The following NMNAT2 variants were observed in gnomAD, a reference collection of about 807,000 sequenced individuals.
NMNAT2 encodes nicotinamide/nicotinic acid mononucleotide adenylyltransferase 2.
Under a neutral mutation model 41.6 loss-of-function variants are expected in NMNAT2, and 11 were observed. The ratio of observed to expected loss-of-function variants is 0.26; its 90% CI spans 0.17 to 0.44. The LOEUF (loss-of-function observed/expected upper bound fraction) is 0.44. NMNAT2 is among the 20% of genes least tolerant of loss of function. The pLI, the probability that NMNAT2 is intolerant of heterozygous loss-of-function variation, is 1.00. For synonymous variants in NMNAT2, 148 were observed against 151.2 expected, an observed-to-expected ratio of 0.98 and a Z score of 0.16; for missense variants, 288 against 407.7, an observed-to-expected ratio of 0.71 and a Z score of 2.53.
rs1486798843 is a variant in NMNAT2, at chr1:183,298,873, T to C, written c.86-5080A>G. 2.6e-5 allele frequency among the ~76,000 whole-genome samples: 4 copies of C among 152,336 alleles called. No individual in the cohort carries two copies. In the East Asian group the frequency reaches 7.7e-4, roughly 29 times the overall value. On this transcript the variant is annotated intron_variant, in intron 1 of 10. Transcript: ENST00000287713. The stretch of plus-strand genomic sequence containing the variant: ...AATGATATGAAATTTAATGTATTTC[T>C]TGTCAAAATCACAACAAGATTTGTT...
intron 8 of NMNAT2, among the ~76,000 whole-genome samples, chr1:183,263,054 G>A (rs1468040733): frequency 6.6e-6 from 1 of 152,202 alleles, no homozygotes; most frequent in Non-Finnish European, 1.5e-5. Context: ...TTTTGTGTGT[G>A]TGTTTGTGTG....
At chr1:183,274,039 A>C (rs566801053) in intron 8 of NMNAT2, among the ~76,000 whole-genome samples, 52 of 151,874 alleles carry the variant, frequency 3.4e-4, no homozygotes, top group South Asian at 8.3e-4. Flanking sequence ...CAGCCACCGG[A>C]GTAGCTGGGA....
At chr1:183,314,564 C>G (rs188618362) in intron 1 of NMNAT2, among the ~76,000 whole-genome samples, 1 of 152,354 alleles carries the variant, frequency 6.6e-6, no homozygotes, top group African/African-American at 2.4e-5. Context: ...GAAGGCATAA[C>G]CAGGTCAGGG....
chr1:183,272,587 C>T (rs1661013170), intron 8 of NMNAT2, among the ~76,000 whole-genome samples: 1 of 152,146 alleles, frequency 6.6e-6, no homozygotes, highest in Non-Finnish European at 1.5e-5. Context: ...GGGATGGGGT[C>T]ATCCCATTAG....
intron 1 of NMNAT2, among the ~76,000 whole-genome samples, chr1:183,300,083 C>T (rs115650090): frequency 0.023 from 3,458 of 152,202 alleles, 84 homozygotes; most frequent in South Asian, 0.082. Flanking sequence ...AGCCCATTTG[C>T]CCTTCCTCCT....
intron 1 of NMNAT2, among the ~76,000 whole-genome samples, chr1:183,405,686 G>GT (rs916437054): frequency 2.5e-4 from 38 of 152,074 alleles, no homozygotes; most frequent in East Asian, 7.7e-4. Flanking sequence ...TATTTTTATT[G>GT]TTTTTTTTGT....
At chr1:183,359,734 A>T (rs1157067789) in intron 1 of NMNAT2, among the ~76,000 whole-genome samples, 1 of 152,042 alleles carries the variant, frequency 6.6e-6, no homozygotes, top group Admixed American at 6.6e-5. Context: ...TGGGAGAGGG[A>T]AAATGGAGAC....
At chr1:183,413,518 T>C (rs1235710317) in intron 1 of NMNAT2, among the ~76,000 whole-genome samples, 1 of 152,174 alleles carries the variant, frequency 6.6e-6, no homozygotes, top group Middle Eastern at 3.4e-3. Context: ...TTATAGTAGA[T>C]CTTGTGCCAT....
At chr1:183,263,740 G>A (rs1315073296) in intron 8 of NMNAT2, among the ~76,000 whole-genome samples, 1 of 152,212 alleles carries the variant, frequency 6.6e-6, no homozygotes, top group Non-Finnish European at 1.5e-5. Flanking sequence ...CCTGAGGGGC[G>A]GAGCTTGCAG....
rs2101936307 is a variant in NMNAT2, at chr1:183,418,350, C to T, written c.-83G>A. On this transcript the variant is annotated 5_prime_UTR_variant, in exon 1 of 11. Transcript: ENST00000287713. Reference sequence around the variant, plus strand: ...GTGTCTGCAGAGGGAGAAAGGAAGGCGAGGCTCCGGCGGTGGATGCTGTGG... The same window carrying T: ...GTGTCTGCAGAGGGAGAAAGGAAGGTGAGGCTCCGGCGGTGGATGCTGTGG... 1 of 1,370,916 alleles carries T rather than the reference C, an allele frequency of 7.3e-7. No individual in the cohort carries two copies. Among genetic ancestry groups the T allele is most frequent in the Non-Finnish European group, 1.0e-6 (1 of 963,066 alleles). 84.9% of individuals were successfully genotyped at this position (1,370,916 alleles called of 1,614,324 possible). A position where few individuals can be genotyped will look rare whatever the true frequency, so the allele number is the denominator to read the frequency against.
chr1:183,330,215 T>C (rs1209567544), intron 1 of NMNAT2, among the ~76,000 whole-genome samples: 1 of 152,226 alleles, frequency 6.6e-6, no homozygotes, highest in African/African-American at 2.4e-5. Flanking sequence ...CATAGGATTG[T>C]TATAAACATT....
At chr1:183,321,993 T>A (rs900873336) in intron 1 of NMNAT2, among the ~76,000 whole-genome samples, 3 of 145,344 alleles carry the variant, frequency 2.1e-5, no homozygotes, top group East Asian at 2.0e-4. Context: ...TAATTTAAAA[T>A]TTTTTTTTTT....
chr1:183,286,134 A>G (rs892336428), intron 5 of NMNAT2, among the ~76,000 whole-genome samples: 1 of 152,204 alleles, frequency 6.6e-6, no homozygotes, highest in African/African-American at 2.4e-5. Context: ...ACAGTGGCAC[A>G]GTCCCCCAGT....
chr1:183,259,106 C>T (rs140426621), intron 10 of NMNAT2, among the ~76,000 whole-genome samples: 1 of 152,296 alleles, frequency 6.6e-6, no homozygotes, highest in East Asian at 1.9e-4. Context: ...CTAAGTGCCT[C>T]CTCACATAGT....
intron 5 of NMNAT2, 37 bp from the exon 6 acceptor site, chr1:183,284,827 G>A (rs1159144415): frequency 4.5e-6 from 7 of 1,560,548 alleles, no homozygotes; most frequent in South Asian, 1.1e-5. Flanking sequence ...GACAGAGTGG[G>A]AGAGAACAAC....
chr1:183,407,125 C>A (rs1648978774), intron 1 of NMNAT2, among the ~76,000 whole-genome samples: 1 of 152,116 alleles, frequency 6.6e-6, no homozygotes, highest in Non-Finnish European at 1.5e-5. Context: ...CCTGATCTGC[C>A]ATTCTTAAAC....
intron 8 of NMNAT2, among the ~76,000 whole-genome samples, chr1:183,272,883 C>A (rs1197922863): frequency 6.6e-6 from 1 of 152,212 alleles, no homozygotes; most frequent in Non-Finnish European, 1.5e-5. Flanking sequence ...GGGCCGGGGC[C>A]TAGGACATTT....
intron 1 of NMNAT2, among the ~76,000 whole-genome samples, chr1:183,344,977 G>C (rs191775830): frequency 1.8e-4 from 27 of 152,260 alleles, no homozygotes; most frequent in South Asian, 1.5e-3. Flanking sequence ...GCCACAGCGG[G>C]GAGAAGGATT....
At chr1:183,315,752 G>A (rs184043797) in intron 1 of NMNAT2, among the ~76,000 whole-genome samples, 72 of 145,548 alleles carry the variant, frequency 4.9e-4, no homozygotes, top group Middle Eastern at 3.6e-3. Context: ...CTGCACTCCA[G>A]CCTGGGCAAC....
Sources: allele counts gnomAD v4.1 joint callset (sites outside exome capture counted in the v4.1 genomes callset), GRCh38; gene constraint gnomAD v4.1.1; transcripts MANE v1.5; gene names NCBI Gene and HGNC (gene_info 2026-07-23, HGNC 2026-07-21).